ABCA7: variants seen among roughly 807,000 people sequenced by gnomAD.
The protein encoded by ABCA7 is ATP binding cassette subfamily A member 7, also known as phospholipid-transporting ATPase ABCA7.
In ABCA7, 261 loss-of-function variants were observed where a neutral mutation model predicts 227.6. That is an observed-to-expected ratio of 1.15 (90% CI 1.04 to 1.27). ABCA7 has a LOEUF of 1.27. Ranked by LOEUF, ABCA7 falls within the 50% of genes most tolerant of loss-of-function variation. ABCA7 has a pLI of 0.00. For missense variants in ABCA7, 3,331 were observed against 2,924.5 expected (o/e 1.14, Z -3.21); for synonymous variants, 1,488 against 1,279.7 (o/e 1.16, Z -3.47).
At position 1,055,142 on chromosome 19, in the gene ABCA7, C is replaced by T; in HGVS notation, c.3996C>T (p.Ala1332=). The change falls in exon 30 of 47, where the codon GCC becomes GCT. Residue 1332 remains alanine (A), a synonymous_variant. Transcript: ENST00000263094. ...CTGCTGAAGTGGCCAAGGTCTTGGCCAGTGGCAACTGGACCCCAGAGTCTC... is the reference window on the plus strand; with the variant it reads ...CTGCTGAAGTGGCCAAGGTCTTGGCTAGTGGCAACTGGACCCCAGAGTCTC... ...EVPAEVAKVL[A]SGNWTPESPS... is the part of the protein sequence containing the mutation. 2.5e-6 allele frequency: 4 copies of T among 1,612,952 alleles called. No individual in the cohort carries two copies. Among genetic ancestry groups the T allele is most frequent in the Non-Finnish European group, 3.4e-6 (4 of 1,179,934 alleles).
At chr19:1,064,356 C>T in intron 45 of ABCA7, 103 bp downstream of exon 45, 13 of 1,265,124 alleles carry the variant, frequency 1.0e-5, no homozygotes, top group Admixed American at 2.6e-5. Flanking sequence ...AGTTTGGCTC[C>T]AACTGGAGAG....
Position 1,051,973 on chromosome 19 carries a change from G to A in ABCA7, c.2994G>A (p.Leu998=). The change falls in exon 22 of 47, where the codon CTG becomes CTA. Residue 998 remains leucine, a synonymous_variant. Transcript: ENST00000263094. The part of the protein sequence containing the change: ...GRTLILSTHH[L]DEAELLGDRV... The stretch of plus-strand genomic sequence containing the variant: ...CGCTGATCCTCTCCACCCACCACCT[G>A]GATGAGGCAGAGCTGCTGGGAGACC... 1 of 1,612,132 alleles carries A rather than the reference G, an allele frequency of 6.2e-7. No individual in the cohort carries two copies. The highest frequency in any genetic ancestry group is 8.5e-7 in the Non-Finnish European group (1 of 1,179,894).
chr19:1,055,764 A>C, intron 30 of ABCA7, 143 bp from the exon 31 acceptor site: 1 of 804,610 alleles, frequency 1.2e-6, no homozygotes, highest in Non-Finnish European at 1.8e-6. Context: ...GGCCTCCCAA[A>C]GTGTTGGGAT....
chr19:1,054,632 C>G lies in ABCA7; in HGVS notation c.3789C>G (p.Phe1263Leu). 6.2e-7 allele frequency: 1 copy of G among 1,613,380 alleles called. No homozygotes were observed. Among genetic ancestry groups the G allele is most frequent in the Non-Finnish European group, 8.5e-7 (1 of 1,179,946 alleles). Residue 1263 changes from phenylalanine to leucine, a missense_variant, in exon 28 of 47, where the codon TTC becomes TTG. Transcript: ENST00000263094. The surrounding 1 kb of genome is among the most constrained non-coding windows in gnomAD (Gnocchi z 4.8). ...TGTTCAGCCTCATCGTGCCTCCTTT[C>G]GGGCACTACCCGGCTCTGCGGCTCA... The part of the protein sequence containing the change: ...ALVFSLIVPP[F>L]GHYPALRLSP...
chr19:1,063,409 T>C, intron 42 of ABCA7, 135 bp from the exon 43 acceptor site: 1 of 1,266,208 alleles, frequency 7.9e-7, no homozygotes. Flanking sequence ...CCACACTATG[T>C]CCCATTCTCA....
At chr19:1,064,315 G>A (rs2042891732) in intron 45 of ABCA7, 62 bp downstream of exon 45, 1 of 1,474,348 alleles carries the variant, frequency 6.8e-7, no homozygotes, top group Non-Finnish European at 9.1e-7. Flanking sequence ...TAGGCTCAGG[G>A]GAGAGGCCAG....
chr19:1,045,243 G>GT lies in ABCA7; in HGVS notation c.1445+12_1445+13insT. On this transcript the variant is annotated intron_variant, in intron 12 of 46. Coordinates refer to ENST00000263094, the MANE Select transcript of ABCA7 (RefSeq NM_019112.4). ...AAGATCAGGGACAGGTCAGGCGAGG[G>GT]AGGGGGCGGGGGGATGAGGGACTGG... 1.3e-6 allele frequency: 2 copies of GT among 1,590,902 alleles called. No individual in the cohort carries two copies. The highest frequency in any genetic ancestry group is 1.7e-6 in the Non-Finnish European group (2 of 1,163,854).
chr19:1,060,208 T>TATATATATATATATATATA (rs1555699222), intron 40 of ABCA7, among the ~76,000 whole-genome samples: 30 of 118,704 alleles, frequency 2.5e-4, no homozygotes, highest in African/African-American at 1.1e-3. Context: ...TATATATATA[T>TATATATATATATATATATA]TTTTTTTTCT....
Position 1,049,452 on chromosome 19 carries a change from ACTCCCTCCCCGTGAGCCCCC to A in ABCA7, c.2552+17_2552+36del. On this transcript the variant is annotated intron_variant, in intron 18 of 46. Coordinates refer to ENST00000263094, the MANE Select transcript of ABCA7 (RefSeq NM_019112.4). ...ACCACCACCCTGTGAGCCCCCAACC[ACTCCCTCCCCGTGAGCCCCC>A]CCACTCCCACCCCGTGAGCCCCCCC... 2 of 1,315,882 alleles carry A rather than the reference ACTCCCTCCCCGTGAGCCCCC, an allele frequency of 1.5e-6. No homozygotes were observed. The highest frequency in any genetic ancestry group is 1.4e-5 in the South Asian group (1 of 70,378). The allele number at this position is 1,315,882 out of a possible 1,614,324, so 81.5% of individuals were successfully genotyped here.
chr19:1,056,111 G>C lies in ABCA7; in HGVS notation c.4284G>C (p.Ser1428=). The change falls in exon 32 of 47, where the codon TCG becomes TCC. Residue 1428 remains serine (S), a synonymous_variant. Transcript: ENST00000263094. The surrounding 1 kb of genome is among the most constrained non-coding windows in gnomAD (Gnocchi z 4.3). ...SLGGRDPGLP[S]GQELGRSVEE... ...GGGGCCGAGACCCAGGCCTGCCCTC[G>C]GGCCAAGAGTTGGGCCGCTCAGTGG... The C allele has an allele frequency of 1.2e-6, 2 of 1,606,730 alleles. No individual in the cohort carries two copies. Among genetic ancestry groups the C allele is most frequent in the Non-Finnish European group, 1.7e-6 (2 of 1,176,708 alleles).
Position 1,058,945 on chromosome 19 carries a change from G to A in ABCA7, c.5400+5G>A, listed in dbSNP as rs753940147. 3.5e-5 allele frequency: 56 copies of A among 1,609,034 alleles called. 1 individual carries two copies. The South Asian group carries it at 6.1e-4, about 17-fold the overall frequency. On this transcript the variant is annotated splice_donor_5th_base_variant and intron_variant, in intron 39 of 46. Transcript: ENST00000263094. ...GTGCTGAGGAACTTGACCAAGGTAGGTGTGGTCAGGTCGACTGCTGGGTGG... is the reference window on the plus strand; with the variant it reads ...GTGCTGAGGAACTTGACCAAGGTAGATGTGGTCAGGTCGACTGCTGGGTGG...
In ABCA7 at chr19:1,050,993, C is replaced by G. The variant is rs779700762; in HGVS notation, c.2625C>G (p.Ser875Arg). The part of the protein sequence containing the change: ...AFILGHDVRS[S>R]MAAIRPHLGV... ...TCCTGGGCCACGACGTCCGCTCCAG[C>G]ATGGCCGCCATCCGGCCCCACCTGG... Residue 875 changes from serine (S) to arginine (R), a missense_variant, in exon 19 of 47, where the codon AGC becomes AGG. Transcript: ENST00000263094. 6.2e-7 allele frequency: 1 copy of G among 1,612,412 alleles called. No homozygotes were observed. Among genetic ancestry groups the G allele is most frequent in the East Asian group, 2.2e-5 (1 of 44,886 alleles).
chr19:1,047,228 G>C lies in ABCA7; in HGVS notation c.1917G>C (p.Thr639=), dbSNP rs746473132. The C allele has an allele frequency of 6.2e-7, 1 of 1,608,448 alleles. No individual in the cohort carries two copies. Among genetic ancestry groups the C allele is most frequent in the Non-Finnish European group, 8.5e-7 (1 of 1,179,462 alleles). ...TCTTGGCAGCCTTCGCGGTGGCCAC[G>C]GTGACCCAGAGCTTCCTGCTCAGCG... The part of the protein sequence containing the change: ...FLFLAAFAVA[T]VTQSFLLSAF... The change falls in exon 15 of 47, where the codon ACG becomes ACC. Residue 639 remains threonine, a synonymous_variant. Transcript: ENST00000263094.
Position 1,054,526 on chromosome 19 carries a change from C to A in ABCA7, c.3727-44C>A. 1 of 1,595,020 alleles carries A rather than the reference C, an allele frequency of 6.3e-7. No homozygotes were observed. Among genetic ancestry groups the A allele is most frequent in the South Asian group, 1.1e-5 (1 of 90,538 alleles). On this transcript the variant is annotated intron_variant, in intron 27 of 46. Coordinates refer to ENST00000263094, the MANE Select transcript of ABCA7 (RefSeq NM_019112.4). This position sits in a 1 kb window ranked among gnomAD's most constrained non-coding sequence, Gnocchi z 4.8. ...GGAGCAGGGACAGGTGCAAGCAAGCCTGGAGGGTGGATGGAAGCAGCAGCT... is the reference window on the plus strand; with the variant it reads ...GGAGCAGGGACAGGTGCAAGCAAGCATGGAGGGTGGATGGAAGCAGCAGCT...
Position 1,049,337 on chromosome 19 carries a change from G to C in ABCA7, c.2452G>C (p.Gly818Arg), listed in dbSNP as rs1165420363. The C allele has an allele frequency of 6.2e-7, 1 of 1,611,594 alleles. No individual in the cohort carries two copies. Among genetic ancestry groups the C allele is most frequent in the Non-Finnish European group, 8.5e-7 (1 of 1,179,240 alleles). ...SVRSLEKRFP[G>R]SPQPALRGLS... Reference sequence around the variant, plus strand: ...TCGCAGCCTGGAGAAGCGCTTTCCTGGAAGCCCGCAGCCAGCCCTGCGGGG... The same window carrying C: ...TCGCAGCCTGGAGAAGCGCTTTCCTCGAAGCCCGCAGCCAGCCCTGCGGGG... Residue 818 changes from glycine (G) to arginine (R), a missense_variant, in exon 18 of 47, where the codon GGA (glycine) becomes CGA (arginine). By Grantham distance (125) the Gly-to-Arg change is moderately radical. Transcript: ENST00000263094.
At chr19:1,040,869 T>A (rs1426911379) in intron 1 of ABCA7, among the ~76,000 whole-genome samples, 2 of 152,056 alleles carry the variant, frequency 1.3e-5, no homozygotes, top group African/African-American at 4.8e-5. Flanking sequence ...CCCCTGGGCG[T>A]GTGAAATGTC....
In ABCA7 at chr19:1,045,003, G is replaced by T. The variant is rs374214649; in HGVS notation, c.1217G>T (p.Cys406Phe). 6.2e-7 allele frequency: 1 copy of T among 1,612,380 alleles called. No individual in the cohort carries two copies. The highest frequency in any genetic ancestry group is 1.3e-5 in the African/African-American group (1 of 74,898). The change falls in exon 12 of 47, where the codon TGC (cysteine) becomes TTC (phenylalanine). Residue 406 changes from cysteine to phenylalanine, a missense_variant and splice_region_variant. Coordinates refer to ENST00000263094, the MANE Select transcript of ABCA7 (RefSeq NM_019112.4). ...LVGTLGRVTE[C>F]LSLDKLEAAP... ...AGGACTCACCCCCGCATCCCACAGT[G>T]CCTGTCCTTGGACAAGCTGGAGGCG...
intron 45 of ABCA7, chr19:1,064,701 G>A (rs933848722): frequency 5.9e-6 from 4 of 682,036 alleles, no homozygotes; most frequent in African/African-American, 5.7e-5. Flanking sequence ...GGCAACCTAG[G>A]GAGACCCCAT....
intron 45 of ABCA7, among the ~76,000 whole-genome samples, chr19:1,064,463 G>A (rs901039059): frequency 1.3e-5 from 2 of 152,106 alleles, no homozygotes; most frequent in African/African-American, 2.4e-5. Context: ...TGAGCCGGGG[G>A]CTCTGGGTGG....
Sources: allele counts gnomAD v4.1 joint callset (sites outside exome capture counted in the v4.1 genomes callset), GRCh38; gene constraint gnomAD v4.1.1; non-coding constraint Gnocchi (gnomAD v3.1); transcripts MANE v1.5; gene names NCBI Gene and HGNC (gene_info 2026-07-23, HGNC 2026-07-21).